The following SH3BP2 variants were observed in gnomAD, a reference collection of about 807,000 sequenced individuals.
SH3BP2 encodes the protein SH3 domain-binding protein 2.
Under a neutral mutation model 56.2 loss-of-function variants are expected in SH3BP2, and 38 were observed. The ratio of observed to expected loss-of-function variants is 0.68; its 90% CI spans 0.52 to 0.89. The LOEUF (loss-of-function observed/expected upper bound fraction) is 0.89, where lower values mean the gene tolerates loss of function less well. SH3BP2 is among the 40% of genes least tolerant of loss of function. The pLI is 0.00. For synonymous variants in SH3BP2, 346 were observed against 316.7 expected (o/e 1.09, Z -0.98); for missense variants, 748 against 762.6 (o/e 0.98, Z 0.23).
rs757019400 is a variant in SH3BP2 at position 2,833,649 on chromosome 4, G to A, written c.1549-48G>A. 61 of 1,586,022 alleles carry A rather than the reference G, an allele frequency of 3.8e-5. 1 individual carries two copies. The highest frequency in any genetic ancestry group is 1.8e-4 in the Admixed American group (10 of 56,868). ...GACGGGGAGACTGAGGCCTAGAGCC[G>A]CAGAGTGGCCTGGCCCTGCTGACGC... On this transcript the variant is annotated intron_variant, in intron 12 of 12. Coordinates refer to ENST00000503393, the MANE Select transcript of SH3BP2 (RefSeq NM_001122681.2).
chr4:2,837,458 G>A lies in SH3BP2; in HGVS notation c.*3624G>A, dbSNP rs1725274055. 6.6e-6 allele frequency: 1 copy of A among 152,348 alleles called. No homozygotes were observed. The highest frequency in any genetic ancestry group is 2.1e-4 in the South Asian group (1 of 4,832). The allele number at this position is 152,348 out of a possible 1,614,324, so 9.4% of individuals were successfully genotyped here. A position where few individuals can be genotyped will look rare whatever the true frequency, so the allele number is the denominator to read the frequency against. On this transcript the variant is annotated 3_prime_UTR_variant, in exon 13 of 13. Coordinates refer to ENST00000503393, the MANE Select transcript of SH3BP2 (RefSeq NM_001122681.2). ...GGAGGTGCTTCCTGCACCTCAGGAT[G>A]GGCGAGGGTGGGCATTGGGGGAGAG... is the stretch of plus-strand genomic sequence containing the variant.
At chr4:2,817,339 T>C (rs1311546168) in intron 1 of SH3BP2, among the ~76,000 whole-genome samples, 1 of 152,078 alleles carries the variant, frequency 6.6e-6, no homozygotes, top group Non-Finnish European at 1.5e-5. Flanking sequence ...GCAGGGCGGC[T>C]GGAAGGAGGT....
In SH3BP2 at chr4:2,838,599, T is replaced by C. The variant is rs1360768614; in HGVS notation, c.*4765T>C. 6.6e-6 allele frequency: 1 copy of C among 151,992 alleles called. No homozygotes were observed. Among genetic ancestry groups the C allele is most frequent in the African/African-American group, 2.4e-5 (1 of 41,376 alleles). 9.4% of individuals were successfully genotyped at this position (151,992 alleles called of 1,614,324 possible). ...GCCTTTGAATGTGGCCCAACACAAATTTGTAAACTTTCTTAAAACATTATA... is the reference window on the plus strand; with the variant it reads ...GCCTTTGAATGTGGCCCAACACAAACTTGTAAACTTTCTTAAAACATTATA... On this transcript the variant is annotated 3_prime_UTR_variant, in exon 13 of 13. Coordinates refer to ENST00000503393, the MANE Select transcript of SH3BP2 (RefSeq NM_001122681.2).
chr4:2,803,488 A>G lies in SH3BP2; in HGVS notation c.-5+10350A>G, dbSNP rs79694449. Among the ~76,000 whole-genome samples the G allele has an allele frequency of 7.4e-3, 1,131 of 152,294 alleles. 12 individuals carry two copies. The highest frequency in any genetic ancestry group is 0.025 in the African/African-American group (1,041 of 41,556). On this transcript the variant is annotated intron_variant, in intron 1 of 12. Transcript: ENST00000503393. The stretch of plus-strand genomic sequence containing the variant: ...GGTCCTCAGAGTCCTGTTGCTAATA[A>G]GCGTGGAGGGGGAGGACGGAGCAAG...
chr4:2,822,098 C>T (rs961523466), intron 2 of SH3BP2, among the ~76,000 whole-genome samples: 3 of 152,174 alleles, frequency 2.0e-5, no homozygotes, highest in African/African-American at 7.2e-5. Flanking sequence ...GAACTCCTGA[C>T]TTCAAGTGAT....
chr4:2,814,564 A>G (rs1236681603), intron 1 of SH3BP2, among the ~76,000 whole-genome samples: 2 of 152,240 alleles, frequency 1.3e-5, no homozygotes, highest in Non-Finnish European at 2.9e-5. Context: ...CCACGTGTGC[A>G]CACATGCAAA....
chr4:2,821,265 A>G (rs1724290101), intron 2 of SH3BP2, among the ~76,000 whole-genome samples: 1 of 152,256 alleles, frequency 6.6e-6, no homozygotes, highest in African/African-American at 2.4e-5. Flanking sequence ...GGGCCTGAGC[A>G]GCAGGTGCTC....
chr4:2,805,080 C>A (rs898160767), intron 1 of SH3BP2, among the ~76,000 whole-genome samples: 1 of 152,212 alleles, frequency 6.6e-6, no homozygotes, highest in Non-Finnish European at 1.5e-5. Flanking sequence ...AACCTTCACA[C>A]CCACTGTGCC....
Position 2,822,940 on chromosome 4 carries a change from C to G in SH3BP2, c.142C>G (p.Leu48Val). Residue 48 changes from leucine (L) to valine (V), a missense_variant, in exon 3 of 13, where the codon CTG becomes GTG. Coordinates refer to ENST00000503393, the MANE Select transcript of SH3BP2 (RefSeq NM_001122681.2). ...GCCCTTGCCACCTCCCACAGGGCCC[C>G]TGCGCTTTGTCATCATCCACAAACG... The part of the protein sequence containing the change: ...GTQLQLLKWP[L>V]RFVIIHKRCV... 6.2e-7 allele frequency: 1 copy of G among 1,613,880 alleles called. No individual in the cohort carries two copies. The highest frequency in any genetic ancestry group is 8.5e-7 in the Non-Finnish European group (1 of 1,179,850).
At chr4:2,805,371 G>GC (rs902336463) in intron 1 of SH3BP2, among the ~76,000 whole-genome samples, 1 of 152,274 alleles carries the variant, frequency 6.6e-6, no homozygotes, top group Admixed American at 6.5e-5. Flanking sequence ...CCCCTGGAGT[G>GC]CCCCCCTCCT....
rs111203476 is a variant in SH3BP2 at position 2,826,958 on chromosome 4, C to T, written c.429-272C>T. 2,100 of 627,658 alleles carry T rather than the reference C, an allele frequency of 3.3e-3. 32 individuals are homozygous for T. The highest frequency in any genetic ancestry group is 0.033 in the African/African-American group (1,812 of 55,300). The allele number at this position is 627,658 out of a possible 1,614,324, so 38.9% of individuals were successfully genotyped here. On this transcript the variant is annotated intron_variant, in intron 5 of 12. Transcript: ENST00000503393. ...GTTCCTGCGTGTGCTTGTGTGTGCA[C>T]GTGTGCATTTGTGTGTTTGTCAGAG... is the stretch of plus-strand genomic sequence containing the variant.
rs1723350555 is a variant in SH3BP2, at chr4:2,802,620, A to ACG, written c.-5+9482_-5+9483insCG. On this transcript the variant is annotated intron_variant, in intron 1 of 12. Coordinates refer to ENST00000503393, the MANE Select transcript of SH3BP2 (RefSeq NM_001122681.2). ...TATATATGTGTATATATGTGTATAT[A>ACG]TGTGTATGTATGTGGTGTGTGTATA... Among the ~76,000 whole-genome samples, 5 of 145,536 alleles carry ACG rather than the reference A, an allele frequency of 3.4e-5. No homozygotes were observed. The Admixed American group carries it at 3.4e-4, about 10-fold the overall frequency.
chr4:2,833,250 C>T, intron 12 of SH3BP2: 2 of 650,642 alleles, frequency 3.1e-6, no homozygotes, highest in Non-Finnish European at 2.8e-6. Context: ...CCTTTGTCCT[C>T]CACTGACCCT....
In SH3BP2 at chr4:2,832,328, T is replaced by C; in HGVS notation, c.1407-3T>C. ...ACCCGCTAATATGACTGTCTTATTT[T>C]AGGTTGTTCAAGGCTACAAGCCCCC... is the stretch of plus-strand genomic sequence containing the variant. On this transcript the variant is annotated splice_region_variant and splice_polypyrimidine_tract_variant and intron_variant, in intron 10 of 12. Transcript: ENST00000503393. 1 of 1,613,152 alleles carries C rather than the reference T, an allele frequency of 6.2e-7. No homozygotes were observed. Among genetic ancestry groups the C allele is most frequent in the African/African-American group, 1.3e-5 (1 of 75,000 alleles).
At chr4:2,817,366 G>T (rs952605100) in intron 1 of SH3BP2, among the ~76,000 whole-genome samples, 1 of 152,216 alleles carries the variant, frequency 6.6e-6, no homozygotes, top group Non-Finnish European at 1.5e-5. Context: ...CTTGAGGCAG[G>T]CCAGACAAGG....
intron 2 of SH3BP2, 106 bp from the exon 3 acceptor site, chr4:2,822,829 T>G (rs1320909271): frequency 1.2e-6 from 1 of 822,232 alleles, no homozygotes; most frequent in South Asian, 1.4e-5. Flanking sequence ...TGGTAAGGCT[T>G]AGAGGCAGGA....
intron 8 of SH3BP2, among the ~76,000 whole-genome samples, chr4:2,830,600 T>G (rs1225215122): frequency 6.6e-6 from 1 of 152,252 alleles, no homozygotes; most frequent in Non-Finnish European, 1.5e-5. Context: ...TGGTCTCAAG[T>G]GATCCGCCTG....
chr4:2,840,755 G>C lies in SH3BP2; in HGVS notation c.*6921G>C, dbSNP rs1388729706. ...CAATTCCAACAACAATGATGCACTTGATAGTTTGGGAATTTATTATAGCTA... is the reference window on the plus strand; with the variant it reads ...CAATTCCAACAACAATGATGCACTTCATAGTTTGGGAATTTATTATAGCTA... On this transcript the variant is annotated 3_prime_UTR_variant, in exon 13 of 13. Transcript: ENST00000503393. The C allele has an allele frequency of 6.6e-6, 1 of 152,144 alleles. No individual in the cohort carries two copies. The highest frequency in any genetic ancestry group is 2.4e-5 in the African/African-American group (1 of 41,422). 9.4% of individuals were successfully genotyped at this position (152,144 alleles called of 1,614,324 possible). A position where few individuals can be genotyped will look rare whatever the true frequency, so the allele number is the denominator to read the frequency against.
At position 2,827,611 on chromosome 4, in the gene SH3BP2, G is replaced by A. The variant is rs1724742523; in HGVS notation, c.523G>A (p.Glu175Lys). ...ACCCCCCTCTCCCCATGCAGACTAT[G>A]AGCACGACGATGAGGATGACTCCTA... ...SPYPTDNEDY[E>K]HDDEDDSYLE... The change falls in exon 7 of 13, where the codon GAG (glutamate) becomes AAG (lysine). Residue 175 changes from glutamate (E) to lysine (K), a missense_variant. Glu to Lys is a moderately conservative substitution (Grantham distance 56, BLOSUM62 1). Coordinates refer to ENST00000503393, the MANE Select transcript of SH3BP2 (RefSeq NM_001122681.2). 2.5e-6 allele frequency: 4 copies of A among 1,595,464 alleles called. No individual in the cohort carries two copies. The highest frequency in any genetic ancestry group is 3.4e-6 in the Non-Finnish European group (4 of 1,170,826).
Sources: allele counts gnomAD v4.1 joint callset (sites outside exome capture counted in the v4.1 genomes callset), GRCh38; gene constraint gnomAD v4.1.1; transcripts MANE v1.5; gene names NCBI Gene and HGNC (gene_info 2026-07-23, HGNC 2026-07-21).